ARFGEF2: variants seen among roughly 807,000 people sequenced by gnomAD.
ARFGEF2 encodes ARF guanine nucleotide exchange factor 2.
A neutral mutation model predicts 219.9 loss-of-function variants in ARFGEF2; 74 were observed. The observed-to-expected ratio is 0.34, with a 90% CI of 0.28 to 0.41. ARFGEF2 has a LOEUF of 0.41. Ranked by LOEUF, ARFGEF2 falls within the 10% of genes least tolerant of loss-of-function variation. The pLI is 1.00. For missense variants in ARFGEF2, 1,743 were observed against 2,218.3 expected, an observed-to-expected ratio of 0.79 and a Z score of 4.30; for synonymous variants, 733 against 799.2, an observed-to-expected ratio of 0.92 and a Z score of 1.40.
intron 3 of ARFGEF2, among the ~76,000 whole-genome samples, chr20:48,949,333 C>A (rs2091050564): frequency 6.6e-6 from 1 of 152,200 alleles, no homozygotes; most frequent in African/African-American, 2.4e-5. Flanking sequence ...ACCCCACTTG[C>A]AATCCAGTGC....
rs71337478 is a variant in ARFGEF2 at position 48,963,175 on chromosome 20, C to CAAAAAAAAAA, written c.839-650_839-641dup. On this transcript the variant is annotated intron_variant, in intron 6 of 38. Transcript: ENST00000371917. ...TGGGCAAGACAGCAAAACTCTGTCTCAAAAAAAAAAAAAAGTAATGTTTAC... is the reference window on the plus strand; with the variant it reads ...TGGGCAAGACAGCAAAACTCTGTCTCAAAAAAAAAAAAAAAAAAAAAAAAGTAATGTTTAC... 2.4e-4 allele frequency among the ~76,000 whole-genome samples: 27 copies of CAAAAAAAAAA among 110,824 alleles called. 1 individual carries two copies. The highest frequency in any genetic ancestry group is 4.6e-3 in the Middle Eastern group (1 of 216). 72.7% of individuals were successfully genotyped at this position (110,824 alleles called of 152,430 possible). A position where few individuals can be genotyped will look rare whatever the true frequency, so the allele number is the denominator to read the frequency against.
At chr20:49,008,772 A>G (rs1304851447) in intron 26 of ARFGEF2, among the ~76,000 whole-genome samples, 5 of 148,702 alleles carry the variant, frequency 3.4e-5, no homozygotes, top group African/African-American at 1.0e-4. Context: ...CAGTGGTGCA[A>G]TCTCGGCTCA....
chr20:48,982,994 G>A (rs2091306239), intron 14 of ARFGEF2, among the ~76,000 whole-genome samples: 1 of 152,114 alleles, frequency 6.6e-6, no homozygotes, highest in African/African-American at 2.4e-5. Flanking sequence ...CACCCTACGT[G>A]GGCTGCACCC....
chr20:48,996,802 T>A (rs906296846), intron 23 of ARFGEF2, among the ~76,000 whole-genome samples: 3 of 150,940 alleles, frequency 2.0e-5, no homozygotes, highest in Non-Finnish European at 4.4e-5. Flanking sequence ...CAGTTTCCTT[T>A]TTTTTTTTTC....
At chr20:49,016,817 G>C (rs1167895829) in intron 31 of ARFGEF2, among the ~76,000 whole-genome samples, 3 of 152,136 alleles carry the variant, frequency 2.0e-5, no homozygotes, top group Non-Finnish European at 4.4e-5. Flanking sequence ...GGATTCCATA[G>C]ATAATTTTGG....
intron 6 of ARFGEF2, among the ~76,000 whole-genome samples, chr20:48,957,060 C>T (rs2091110518): frequency 1.3e-5 from 2 of 152,094 alleles, no homozygotes; most frequent in Non-Finnish European, 2.9e-5. Context: ...ATTTTTTCCC[C>T]GTTATTCTTA....
At chr20:48,994,379 A>G in intron 21 of ARFGEF2, 72 bp from the exon 22 acceptor site, 6 of 1,593,958 alleles carry the variant, frequency 3.8e-6, no homozygotes, top group African/African-American at 1.3e-5. Context: ...TTTAATGACT[A>G]ACTTAAGATT....
chr20:48,984,624 A>G (rs1433738712), intron 14 of ARFGEF2, 105 bp from the exon 15 acceptor site: 2 of 1,420,898 alleles, frequency 1.4e-6, no homozygotes, highest in South Asian at 2.3e-5. Context: ...CTTATACGTG[A>G]TGGCATGTTC....
chr20:49,004,073 A>G (rs1354979364), intron 25 of ARFGEF2, among the ~76,000 whole-genome samples: 1 of 152,132 alleles, frequency 6.6e-6, no homozygotes, highest in Non-Finnish European at 1.5e-5. Context: ...TCAAGATGAA[A>G]AGAGTTCTCT....
Position 49,018,610 on chromosome 20 carries a change from C to T in ARFGEF2, c.4510-274C>T, listed in dbSNP as rs1407942679. On this transcript the variant is annotated intron_variant, in intron 33 of 38. Coordinates refer to ENST00000371917, the MANE Select transcript of ARFGEF2 (RefSeq NM_006420.3). Reference sequence around the variant, plus strand: ...GAACTTGCTCGCATAAAAAATTTGTCACACTTATTGTTAAATCCTAATATG... The same window carrying T: ...GAACTTGCTCGCATAAAAAATTTGTTACACTTATTGTTAAATCCTAATATG... Among the ~76,000 whole-genome samples the T allele has an allele frequency of 2.0e-5, 3 of 152,184 alleles. No homozygotes were observed. In the East Asian group the frequency reaches 5.8e-4, roughly 29 times the overall value.
At chr20:48,990,958 C>T in intron 20 of ARFGEF2, 82 bp from the exon 21 acceptor site, 1 of 1,473,582 alleles carries the variant, frequency 6.8e-7, no homozygotes, top group East Asian at 2.4e-5. Context: ...ATCAGAGAAG[C>T]CCAGTGTGCC....
At chr20:48,977,479 T>C (rs1361696391) in intron 14 of ARFGEF2, among the ~76,000 whole-genome samples, 1 of 152,252 alleles carries the variant, frequency 6.6e-6, no homozygotes, top group Non-Finnish European at 1.5e-5. Context: ...TATAATCCTT[T>C]GGGTATATAC....
intron 16 of ARFGEF2, among the ~76,000 whole-genome samples, chr20:48,987,219 G>A (rs1382482228): frequency 6.6e-6 from 1 of 152,208 alleles, no homozygotes; most frequent in Non-Finnish European, 1.5e-5. Context: ...GGACCTGGGA[G>A]CCTTGGTCTG....
chr20:48,954,080 C>T (rs1371201810), intron 6 of ARFGEF2, among the ~76,000 whole-genome samples: 2 of 152,170 alleles, frequency 1.3e-5, no homozygotes, highest in African/African-American at 4.8e-5. Flanking sequence ...ACTTATCTTT[C>T]AGTAGTTAAT....
At chr20:49,014,088 A>G (rs890152040) in intron 30 of ARFGEF2, 128 bp downstream of exon 30, 35 of 1,260,058 alleles carry the variant, frequency 2.8e-5, no homozygotes, top group Non-Finnish European at 3.8e-5. Context: ...TAAGGTTTTA[A>G]AAATGGAAAC....
Position 48,998,093 on chromosome 20 carries a change from C to T in ARFGEF2, c.3222-100C>T, listed in dbSNP as rs948815959. 3.7e-6 allele frequency: 4 copies of T among 1,087,366 alleles called. No homozygotes were observed. In the African/African-American group the frequency reaches 6.2e-5, roughly 17 times the overall value. The allele number at this position is 1,087,366 out of a possible 1,614,324, so 67.4% of individuals were successfully genotyped here. A position where few individuals can be genotyped will look rare whatever the true frequency, so the allele number is the denominator to read the frequency against. On this transcript the variant is annotated intron_variant, in intron 23 of 38. Coordinates refer to ENST00000371917, the MANE Select transcript of ARFGEF2 (RefSeq NM_006420.3). ...CAGGCTGGTTTTGAACTCCTGACCT[C>T]AAGTGATACACCCTCCTCGGCCTCC...
chr20:48,953,163 T>TTTC, intron 5 of ARFGEF2, among the ~76,000 whole-genome samples: 1 of 141,514 alleles, frequency 7.1e-6, no homozygotes, highest in Admixed American at 7.0e-5. Context: ...TCTTTCTTTC[T>TTTC]TTTTTTTTTT....
intron 25 of ARFGEF2, among the ~76,000 whole-genome samples, chr20:49,002,469 A>G (rs1004516260): frequency 3.9e-5 from 6 of 152,064 alleles, no homozygotes; most frequent in African/African-American, 1.2e-4. Flanking sequence ...CTTGACTACT[A>G]TGGGTACCTC....
intron 21 of ARFGEF2, among the ~76,000 whole-genome samples, chr20:48,993,064 A>G (rs556027167): frequency 1.3e-5 from 2 of 152,282 alleles, no homozygotes; most frequent in African/African-American, 4.8e-5. Flanking sequence ...ATAAAAAAAT[A>G]TATATTTTGA....
Sources: gnomAD v4.1 joint callset for allele counts (sites outside exome capture counted in the v4.1 genomes callset) on GRCh38, gnomAD v4.1.1 for gene constraint, MANE v1.5 for transcripts, NCBI Gene and HGNC (gene_info 2026-07-23, HGNC 2026-07-21) for gene names.